Variants in ORC5 observed in about 807,000 individuals in gnomAD.
ORC5 encodes the protein protein phosphatase 1, regulatory subunit 117.
ORC5 carries 39 observed loss-of-function variants against 58.8 expected under a neutral mutation model. That is an observed-to-expected ratio of 0.66 (90% CI 0.51 to 0.87). ORC5 has a LOEUF of 0.87. ORC5 is among the 40% of genes least tolerant of loss of function. ORC5 has a pLI of 0.00. For missense variants in ORC5, 493 were observed against 506.3 expected, an observed-to-expected ratio of 0.97 and a Z score of 0.25; for synonymous variants, 218 against 177.6, an observed-to-expected ratio of 1.23 and a Z score of -1.81.
At chr7:104,184,299 G>A (rs1292468014) in intron 6 of ORC5, 128 bp from the exon 7 acceptor site, 5 of 646,126 alleles carry the variant, frequency 7.7e-6, no homozygotes, top group East Asian at 2.8e-5. Context: ...CAAGTCAAAT[G>A]TAATTATACG....
At chr7:104,165,892 C>G (rs886834512) in intron 10 of ORC5, among the ~76,000 whole-genome samples, 4 of 152,030 alleles carry the variant, frequency 2.6e-5, no homozygotes, top group African/African-American at 9.7e-5. Context: ...ATGGCAAAAC[C>G]CTGTCTCTAC....
chr7:104,178,594 G>A (rs1240238888), intron 8 of ORC5, among the ~76,000 whole-genome samples: 2 of 152,036 alleles, frequency 1.3e-5, no homozygotes, highest in Non-Finnish European at 2.9e-5. Flanking sequence ...TCTGGCTTTT[G>A]TTGCAATTGC....
At chr7:104,163,568 G>C (rs765089703) in intron 11 of ORC5, among the ~76,000 whole-genome samples, 21 of 152,138 alleles carry the variant, frequency 1.4e-4, no homozygotes, top group Non-Finnish European at 3.1e-4. Flanking sequence ...CTCACTGCAA[G>C]CTACGCCTCC....
chr7:104,187,991 A>T, intron 6 of ORC5: 1 of 1,067,484 alleles, frequency 9.4e-7, no homozygotes, highest in Non-Finnish European at 1.1e-6. Context: ...AAAAACAAGG[A>T]AGAGTAAGAA....
At chr7:104,161,265 T>C (rs1330060791) in intron 11 of ORC5, 83 bp from the exon 12 acceptor site, 3 of 740,662 alleles carry the variant, frequency 4.1e-6, no homozygotes, top group African/African-American at 1.8e-5. Flanking sequence ...CCAGTAACAA[T>C]GTATTTTTGT....
chr7:104,127,173 A>G (rs1421017238), intron 13 of ORC5, among the ~76,000 whole-genome samples: 1 of 152,172 alleles, frequency 6.6e-6, no homozygotes, highest in African/African-American at 2.4e-5. Context: ...ATTGTACTAC[A>G]GAAAGTTTAG....
intron 4 of ORC5, 41 bp downstream of exon 4, chr7:104,197,684 G>T: frequency 1.5e-6 from 2 of 1,316,382 alleles, no homozygotes; most frequent in Admixed American, 1.9e-5. Context: ...ACAATCCATT[G>T]ATTAAGTTGT....
intron 12 of ORC5, among the ~76,000 whole-genome samples, chr7:104,158,861 C>G (rs1197556086): frequency 6.6e-6 from 1 of 151,928 alleles, no homozygotes; most frequent in Non-Finnish European, 1.5e-5. Context: ...GAAATAGGAA[C>G]ACTTTTACAC....
At chr7:104,154,774 A>C (rs1798897223) in intron 12 of ORC5, among the ~76,000 whole-genome samples, 1 of 151,918 alleles carries the variant, frequency 6.6e-6, no homozygotes. Context: ...TTAGAATTAA[A>C]TAAAAATTAA....
chr7:104,178,436 G>T (rs1799366408), intron 8 of ORC5, among the ~76,000 whole-genome samples: 1 of 152,144 alleles, frequency 6.6e-6, no homozygotes, highest in Non-Finnish European at 1.5e-5. Context: ...GTTTGTTAAA[G>T]TTCCTTGTGG....
intron 8 of ORC5, among the ~76,000 whole-genome samples, chr7:104,168,792 T>C (rs1373876353): frequency 6.6e-6 from 1 of 152,122 alleles, no homozygotes; most frequent in Non-Finnish European, 1.5e-5. Context: ...ATCAAAAAAC[T>C]TCACCCAGGC....
chr7:104,203,456 G>A (rs1460074058), intron 2 of ORC5, among the ~76,000 whole-genome samples: 1 of 152,182 alleles, frequency 6.6e-6, no homozygotes, highest in African/African-American at 2.4e-5. Flanking sequence ...GGATATGAAA[G>A]GGAGTATGGC....
At chr7:104,186,484 T>A (rs545729884) in intron 6 of ORC5, among the ~76,000 whole-genome samples, 1 of 152,252 alleles carries the variant, frequency 6.6e-6, no homozygotes, top group East Asian at 1.9e-4. Flanking sequence ...AAAAAGGCAG[T>A]ATCATAAGGT....
intron 11 of ORC5, among the ~76,000 whole-genome samples, chr7:104,161,500 A>G (rs1799021847): frequency 6.6e-6 from 1 of 152,122 alleles, no homozygotes; most frequent in South Asian, 2.1e-4. Context: ...CCTCTTGAGT[A>G]GCTAGGACTC....
At chr7:104,204,730 A>C (rs1800031864) in intron 1 of ORC5, among the ~76,000 whole-genome samples, 1 of 152,244 alleles carries the variant, frequency 6.6e-6, no homozygotes, top group African/African-American at 2.4e-5. Context: ...CTACTTCTGA[A>C]CTATGCATAC....
At chr7:104,146,750 G>A (rs888101386) in intron 12 of ORC5, among the ~76,000 whole-genome samples, 5 of 152,122 alleles carry the variant, frequency 3.3e-5, no homozygotes, top group African/African-American at 1.2e-4. Context: ...ACAAAACTAT[G>A]CACAGGATAA....
chr7:104,201,669 T>A (rs551528038), intron 2 of ORC5, among the ~76,000 whole-genome samples: 1 of 150,552 alleles, frequency 6.6e-6, no homozygotes, highest in East Asian at 1.9e-4. Context: ...CATATTTGAA[T>A]GTTAAAAATC....
Position 104,129,350 on chromosome 7 carries a change from G to GT in ORC5, c.1263-2458dup, listed in dbSNP as rs1300578925. On this transcript the variant is annotated intron_variant, in intron 13 of 13. Transcript: ENST00000297431. The surrounding 1 kb of genome is among the most constrained non-coding windows in gnomAD (Gnocchi z 4.9). ...ATTCCCTTTCTGTACTTTGTCAGTGGTAAGTATTCATGCAAACTGAATCAT... is the reference window on the plus strand; with the variant it reads ...ATTCCCTTTCTGTACTTTGTCAGTGGTTAAGTATTCATGCAAACTGAATCAT... Among the ~76,000 whole-genome samples, 12 of 152,066 alleles carry GT rather than the reference G, an allele frequency of 7.9e-5. No homozygotes were observed. In the East Asian group the frequency reaches 2.1e-3, roughly 27 times the overall value.
At chr7:104,178,230 C>T (rs191948986) in intron 8 of ORC5, among the ~76,000 whole-genome samples, 31 of 152,072 alleles carry the variant, frequency 2.0e-4, no homozygotes, top group African/African-American at 6.5e-4. Flanking sequence ...TCACCAGCAT[C>T]GTTTCCTGAC....
Sources: gnomAD v4.1 joint callset for allele counts (sites outside exome capture counted in the v4.1 genomes callset) on GRCh38, gnomAD v4.1.1 for gene constraint, Gnocchi (gnomAD v3.1) non-coding constraint, MANE v1.5 for transcripts, NCBI Gene and HGNC (gene_info 2026-07-23, HGNC 2026-07-21) for gene names.